ADCY8: variants seen among roughly 807,000 people sequenced by gnomAD.
ADCY8 encodes the protein adenylate cyclase 8.
ADCY8 carries 51 observed loss-of-function variants against 119.7 expected under a neutral mutation model. The ratio of observed to expected loss-of-function variants is 0.43; its 90% CI spans 0.34 to 0.54. The LOEUF is 0.54. Among genes scored for constraint, ADCY8 ranks in the 20% least tolerant of loss-of-function variants. ADCY8 has a pLI of 0.03. For missense variants in ADCY8, 1,383 were observed against 1,598.8 expected, an observed-to-expected ratio of 0.87 and a Z score of 2.30; for synonymous variants, 665 against 651.0, an observed-to-expected ratio of 1.02 and a Z score of -0.33.
chr8:131,037,082 A>C (rs901410824), intron 1 of ADCY8, among the ~76,000 whole-genome samples: 4 of 152,206 alleles, frequency 2.6e-5, no homozygotes, highest in South Asian at 2.1e-4. Context: ...AAGACTCTTA[A>C]GCCAATAGAG....
chr8:130,811,736 A>G (rs750421576), intron 14 of ADCY8, among the ~76,000 whole-genome samples: 1 of 152,180 alleles, frequency 6.6e-6, no homozygotes, highest in Non-Finnish European at 1.5e-5. Context: ...AGGGTGATGT[A>G]GTCCCTGCTT....
intron 17 of ADCY8, among the ~76,000 whole-genome samples, chr8:130,781,766 T>G (rs1258159089): frequency 1.3e-5 from 2 of 152,150 alleles, no homozygotes; most frequent in East Asian, 3.9e-4. Context: ...TTTCAGTGCC[T>G]CCTCCACTAG....
chr8:130,814,064 C>A lies in ADCY8; in HGVS notation c.2913+5G>T, dbSNP rs1293876010. On this transcript the variant is annotated splice_donor_5th_base_variant and intron_variant, in intron 14 of 17. Transcript: ENST00000286355. The stretch of plus-strand genomic sequence containing the variant: ...TCTCACTGGCTAGACCAGCCCCTGG[C>A]TCACCTCATTGTCTCGGTCCTTCTC... The A allele has an allele frequency of 6.2e-7, 1 of 1,614,062 alleles. No individual in the cohort carries two copies. The highest frequency in any genetic ancestry group is 8.5e-7 in the Non-Finnish European group (1 of 1,179,998).
intron 7 of ADCY8, among the ~76,000 whole-genome samples, chr8:130,888,310 C>T (rs1005101751): frequency 6.6e-6 from 1 of 151,738 alleles, no homozygotes; most frequent in South Asian, 2.1e-4. Flanking sequence ...GTATACTTAG[C>T]TGGTGTTTTT....
At chr8:130,869,519 T>TTTTTTTTTTTTTTTTTG (rs1818253684) in intron 8 of ADCY8, among the ~76,000 whole-genome samples, 1 of 34,654 alleles carries the variant, frequency 2.9e-5, no homozygotes, top group African/African-American at 1.7e-4. Context: ...TTTTTTTTTG[T>TTTTTTTTTTTTTTTTTG]TTTTTTGTTT....
intron 2 of ADCY8, among the ~76,000 whole-genome samples, chr8:130,968,755 T>C (rs1404304457): frequency 6.6e-6 from 1 of 152,198 alleles, no homozygotes; most frequent in African/African-American, 2.4e-5. Context: ...AGGCACTTTT[T>C]TCTTTGATAA....
chr8:130,790,225 G>C (rs1157662874), intron 15 of ADCY8, among the ~76,000 whole-genome samples: 1 of 152,080 alleles, frequency 6.6e-6, no homozygotes, highest in Non-Finnish European at 1.5e-5. Flanking sequence ...TTCTACCTAA[G>C]CACTGAATAA....
intron 3 of ADCY8, among the ~76,000 whole-genome samples, chr8:130,949,890 G>A (rs1355678567): frequency 1.3e-5 from 2 of 152,136 alleles, no homozygotes; most frequent in Non-Finnish European, 2.9e-5. Flanking sequence ...TCTCTTCCTG[G>A]AATTGCTGTT....
At chr8:130,909,256 T>C (rs1819896781) in intron 6 of ADCY8, among the ~76,000 whole-genome samples, 1 of 152,196 alleles carries the variant, frequency 6.6e-6, no homozygotes, top group African/African-American at 2.4e-5. Context: ...ATTTGAAATG[T>C]TGAGTTTCTA....
At chr8:130,985,151 G>C (rs12678370) in intron 2 of ADCY8, among the ~76,000 whole-genome samples, 28,007 of 152,042 alleles carry the variant, frequency 0.18, 4,795 homozygotes, top group African/African-American at 0.45. Context: ...AGGGGGTTGG[G>C]GGGTGACTCA....
intron 5 of ADCY8, among the ~76,000 whole-genome samples, chr8:130,925,492 C>T (rs1466474353): frequency 6.6e-6 from 1 of 152,104 alleles, no homozygotes; most frequent in Non-Finnish European, 1.5e-5. Flanking sequence ...AGTCACCCAC[C>T]CATCATTACA....
chr8:130,782,143 A>G (rs1815101256), intron 17 of ADCY8, among the ~76,000 whole-genome samples: 1 of 152,214 alleles, frequency 6.6e-6, no homozygotes, highest in Non-Finnish European at 1.5e-5. Context: ...TGGTGGGAAT[A>G]GCCATGCAGA....
chr8:130,965,798 T>C (rs917523093), intron 2 of ADCY8, among the ~76,000 whole-genome samples: 2 of 152,206 alleles, frequency 1.3e-5, no homozygotes, highest in African/African-American at 4.8e-5. Flanking sequence ...AAATAAAAGG[T>C]TTATGTATAA....
intron 5 of ADCY8, among the ~76,000 whole-genome samples, chr8:130,936,501 A>C (rs1203564669): frequency 2.0e-5 from 3 of 152,244 alleles, no homozygotes; most frequent in East Asian, 3.9e-4. Context: ...CAGGCTTCAC[A>C]GTAGCCATTG....
At chr8:130,909,198 A>T (rs980940529) in intron 6 of ADCY8, among the ~76,000 whole-genome samples, 10 of 152,198 alleles carry the variant, frequency 6.6e-5, no homozygotes, top group African/African-American at 2.4e-4. Flanking sequence ...GCCTTTGCAG[A>T]CCACTAGCAC....
intron 15 of ADCY8, 43 bp from the exon 16 acceptor site, chr8:130,785,518 C>G: frequency 1.4e-6 from 2 of 1,480,440 alleles, no homozygotes; most frequent in South Asian, 2.6e-5. Context: ...GGTGTTTATT[C>G]TTCCAGCAGC....
At chr8:131,039,276 C>T in intron 1 of ADCY8, 98 bp downstream of exon 1, 1 of 1,524,872 alleles carries the variant, frequency 6.6e-7, no homozygotes, top group Non-Finnish European at 8.9e-7. Context: ...AAGGCGGAGA[C>T]TTAAAGAGAG....
At chr8:130,827,731 T>C (rs543818775) in intron 12 of ADCY8, among the ~76,000 whole-genome samples, 3 of 152,336 alleles carry the variant, frequency 2.0e-5, no homozygotes, top group Non-Finnish European at 2.9e-5. Context: ...CTGCTTCATA[T>C]TGGGGACCTC....
At chr8:130,811,954 T>G (rs1369407735) in intron 14 of ADCY8, among the ~76,000 whole-genome samples, 1 of 152,224 alleles carries the variant, frequency 6.6e-6, no homozygotes, top group Non-Finnish European at 1.5e-5. Flanking sequence ...CCTCTTGAGT[T>G]ACTTTCCCTT....
Sources: allele counts gnomAD v4.1 joint callset (sites outside exome capture counted in the v4.1 genomes callset), GRCh38; gene constraint gnomAD v4.1.1; transcripts MANE v1.5; gene names NCBI Gene and HGNC (gene_info 2026-07-23, HGNC 2026-07-21).